AP3B1: variants seen among roughly 807,000 people sequenced by gnomAD.
AP3B1 encodes adaptor related protein complex 3 subunit beta 1, also known as AP-3 complex subunit beta-1.
In AP3B1, 61 loss-of-function variants were observed where a neutral mutation model predicts 132.5. The observed-to-expected ratio is 0.46, with a 90% CI of 0.37 to 0.57. AP3B1 has a LOEUF of 0.57. Ranked by LOEUF, AP3B1 falls within the 20% of genes least tolerant of loss-of-function variation. The pLI, the probability that AP3B1 is intolerant of heterozygous loss-of-function variation, is 0.00. For missense variants in AP3B1, 1,120 were observed against 1,289.4 expected (o/e 0.87, Z 2.01); for synonymous variants, 388 against 438.3 (o/e 0.89, Z 1.43).
intron 23 of AP3B1, 38 bp from the exon 24 acceptor site, chr5:78,034,483 G>T: frequency 6.6e-7 from 1 of 1,505,194 alleles, no homozygotes; most frequent in Non-Finnish European, 9.2e-7. Context: ...AAACACAGAG[G>T]ATGTGAAAAA....
intron 6 of AP3B1, among the ~76,000 whole-genome samples, chr5:78,221,842 CCAAGG>C (rs1462966985): frequency 2.6e-5 from 4 of 151,920 alleles, no homozygotes; most frequent in Non-Finnish European, 5.9e-5. Context: ...TCACTGAGTA[CCAAGG>C]CAAAACAATT....
At chr5:78,261,774 C>T (rs549710969) in intron 2 of AP3B1, among the ~76,000 whole-genome samples, 189 of 140,178 alleles carry the variant, frequency 1.3e-3, no homozygotes, top group African/African-American at 4.8e-3. Flanking sequence ...TTTTTTGAGA[C>T]GCGGTCTCAC....
At chr5:78,153,336 GACAGAC>G (rs1753748262) in intron 14 of AP3B1, among the ~76,000 whole-genome samples, 1 of 152,050 alleles carries the variant, frequency 6.6e-6, no homozygotes, top group African/African-American at 2.4e-5. Context: ...TGTAGGAAGA[GACAGAC>G]ATTTTGTCTG....
At chr5:78,074,833 T>C (rs1034853474) in intron 22 of AP3B1, among the ~76,000 whole-genome samples, 2 of 151,988 alleles carry the variant, frequency 1.3e-5, no homozygotes, top group Non-Finnish European at 1.5e-5. Context: ...CTCAGGAGGC[T>C]GAGGCAGGAG....
intron 7 of AP3B1, among the ~76,000 whole-genome samples, chr5:78,183,287 C>A (rs1744445666): frequency 6.6e-6 from 1 of 152,168 alleles, no homozygotes; most frequent in African/African-American, 2.4e-5. Context: ...TTCCACCACC[C>A]TTCCCTGCTA....
intron 6 of AP3B1, among the ~76,000 whole-genome samples, chr5:78,219,526 T>G (rs1746094805): frequency 1.3e-5 from 2 of 152,032 alleles, no homozygotes; most frequent in South Asian, 4.1e-4. Context: ...AACAGTTGAT[T>G]GGAGATGACA....
chr5:78,282,764 C>G (rs1749112213), intron 1 of AP3B1, among the ~76,000 whole-genome samples: 1 of 151,694 alleles, frequency 6.6e-6, no homozygotes, highest in African/African-American at 2.4e-5. Context: ...GTACTCCTAG[C>G]ACTTTGGGAG....
intron 2 of AP3B1, among the ~76,000 whole-genome samples, chr5:78,242,372 C>T (rs1050418821): frequency 6.6e-6 from 1 of 151,882 alleles, no homozygotes; most frequent in African/African-American, 2.4e-5. Context: ...CATCTCCTAA[C>T]ACCTGGGCCA....
At chr5:78,078,259 T>C (rs1022993495) in intron 22 of AP3B1, among the ~76,000 whole-genome samples, 2 of 152,224 alleles carry the variant, frequency 1.3e-5, no homozygotes, top group Non-Finnish European at 2.9e-5. Context: ...TGGGTACCAC[T>C]ATCCAGATAA....
intron 22 of AP3B1, among the ~76,000 whole-genome samples, chr5:78,063,344 A>G (rs1028401709): frequency 6.6e-6 from 1 of 152,160 alleles, no homozygotes; most frequent in African/African-American, 2.4e-5. Flanking sequence ...AGCACTATAT[A>G]TTTTTTCAGG....
chr5:78,038,745 G>A (rs1747914012), intron 23 of AP3B1, among the ~76,000 whole-genome samples: 1 of 152,186 alleles, frequency 6.6e-6, no homozygotes, highest in African/African-American at 2.4e-5. Flanking sequence ...GAGAGATGGG[G>A]AAAGGTGACA....
In AP3B1 at chr5:78,247,573, T is replaced by G. The variant is rs898891799; in HGVS notation, c.205-6637A>C. ...CACATGTAAGATTATTATGTCTTTTTGGGAAAATGACTCTTATTGTTATGT... is the reference window on the plus strand; with the variant it reads ...CACATGTAAGATTATTATGTCTTTTGGGGAAAATGACTCTTATTGTTATGT... On this transcript the variant is annotated intron_variant, in intron 2 of 26. Coordinates refer to ENST00000255194, the MANE Select transcript of AP3B1 (RefSeq NM_003664.5). 2.0e-5 allele frequency among the ~76,000 whole-genome samples: 3 copies of G among 152,010 alleles called. No individual in the cohort carries two copies. The East Asian group carries it at 5.8e-4, about 29-fold the overall frequency.
At chr5:78,248,633 G>C (rs1747486545) in intron 2 of AP3B1, among the ~76,000 whole-genome samples, 1 of 151,400 alleles carries the variant, frequency 6.6e-6, no homozygotes, top group Non-Finnish European at 1.5e-5. Flanking sequence ...GATAACTTAA[G>C]AATAAAATTA....
chr5:78,110,684 C>T (rs1580357809), intron 19 of AP3B1, among the ~76,000 whole-genome samples: 1 of 143,486 alleles, frequency 7.0e-6, no homozygotes, highest in Admixed American at 6.9e-5. Flanking sequence ...AATACTGTGC[C>T]TGTGTGTGTG....
At chr5:78,249,583 T>C (rs1195414839) in intron 2 of AP3B1, among the ~76,000 whole-genome samples, 3 of 143,348 alleles carry the variant, frequency 2.1e-5, no homozygotes, top group Admixed American at 6.9e-5. Context: ...CTTTTTCTTT[T>C]TTTTTTTTTT....
intron 7 of AP3B1, among the ~76,000 whole-genome samples, chr5:78,196,487 T>C (rs887256323): frequency 1.3e-5 from 2 of 152,108 alleles, no homozygotes; most frequent in African/African-American, 2.4e-5. Flanking sequence ...GTAAACATAC[T>C]CTTACCAAAC....
intron 20 of AP3B1, among the ~76,000 whole-genome samples, chr5:78,106,890 C>T (rs1484323342): frequency 6.6e-6 from 1 of 152,040 alleles, no homozygotes; most frequent in Non-Finnish European, 1.5e-5. Context: ...AACCAGTAGC[C>T]TCAGAGAGGT....
intron 26 of AP3B1, among the ~76,000 whole-genome samples, chr5:78,008,310 C>T (rs1214856922): frequency 1.3e-5 from 2 of 152,128 alleles, no homozygotes; most frequent in Non-Finnish European, 2.9e-5. Flanking sequence ...TTCATTTTTA[C>T]GTGAAACAGT....
rs980126160 is a variant in AP3B1, at chr5:78,231,740, T to C, written c.280-3501A>G. On this transcript the variant is annotated intron_variant, in intron 3 of 26. Transcript: ENST00000255194. ...CATATGTCTTAGAATGGACATAATATGGTAATAATAGCAAATCCTTATAGG... is the reference window on the plus strand; with the variant it reads ...CATATGTCTTAGAATGGACATAATACGGTAATAATAGCAAATCCTTATAGG... 2.0e-5 allele frequency among the ~76,000 whole-genome samples: 3 copies of C among 152,254 alleles called. No individual in the cohort carries two copies. The East Asian group carries it at 5.8e-4, about 29-fold the overall frequency.
Sources: allele counts gnomAD v4.1 joint callset (sites outside exome capture counted in the v4.1 genomes callset), GRCh38; gene constraint gnomAD v4.1.1; transcripts MANE v1.5; gene names NCBI Gene and HGNC (gene_info 2026-07-23, HGNC 2026-07-21).